Variants in KCNQ5 observed in about 807,000 individuals in gnomAD.
KCNQ5 encodes the protein potassium voltage-gated channel subfamily KQT member 5.
In KCNQ5, 30 loss-of-function variants were observed where a neutral mutation model predicts 98.2. The observed-to-expected ratio is 0.31, with a 90% CI of 0.23 to 0.41. The LOEUF is 0.41. Among genes scored for constraint, KCNQ5 ranks in the 10% least tolerant of loss-of-function variants. KCNQ5 has a pLI of 1.00. For synonymous variants in KCNQ5, 458 were observed against 449.4 expected, an observed-to-expected ratio of 1.02 and a Z score of -0.24; for missense variants, 835 against 1,182.5, an observed-to-expected ratio of 0.71 and a Z score of 4.31.
intron 1 of KCNQ5, among the ~76,000 whole-genome samples, chr6:72,639,216 GAA>G (rs2098925865): frequency 6.6e-6 from 1 of 152,192 alleles, no homozygotes; most frequent in Admixed American, 6.5e-5. Flanking sequence ...AAGGGACAAA[GAA>G]GAGAAAAACT....
intron 1 of KCNQ5, among the ~76,000 whole-genome samples, chr6:72,831,849 T>G (rs1776288681): frequency 6.6e-6 from 1 of 151,766 alleles, no homozygotes; most frequent in African/African-American, 2.4e-5. Flanking sequence ...GAGTGGGGCT[T>G]TAGTGAGGTG....
chr6:73,054,169 C>A (rs1772360781), intron 3 of KCNQ5, among the ~76,000 whole-genome samples: 1 of 152,088 alleles, frequency 6.6e-6, no homozygotes, highest in Admixed American at 6.5e-5. Flanking sequence ...TGGACAGAGA[C>A]CAATAATGAG....
chr6:72,656,328 A>G (rs1029577533), intron 1 of KCNQ5, among the ~76,000 whole-genome samples: 3 of 152,156 alleles, frequency 2.0e-5, no homozygotes, highest in African/African-American at 7.2e-5. Context: ...CACCCACTGT[A>G]ACTTGAACGT....
At chr6:72,932,517 CACTT>C (rs1464675670) in intron 1 of KCNQ5, among the ~76,000 whole-genome samples, 2 of 152,130 alleles carry the variant, frequency 1.3e-5, no homozygotes, top group East Asian at 1.9e-4. Context: ...CAAAAATAAA[CACTT>C]AATTTAAAAT....
At position 72,838,949 on chromosome 6, in the gene KCNQ5, CAAAAAA is replaced by C. The variant is rs67894922; in HGVS notation, c.399-164941_399-164936del. ...TGGGCGACAGAGCGAGACTCCGTCT[CAAAAAA>C]AAAAAAAAAAAAAAAAAGAATATGG... On this transcript the variant is annotated intron_variant, in intron 1 of 13. Coordinates refer to ENST00000370398, the MANE Select transcript of KCNQ5 (RefSeq NM_019842.4). Among the ~76,000 whole-genome samples the C allele has an allele frequency of 7.4e-3, 435 of 58,716 alleles. 2 individuals carry two copies. Among genetic ancestry groups the C allele is most frequent in the African/African-American group, 0.026 (412 of 15,996 alleles). 38.5% of individuals were successfully genotyped at this position (58,716 alleles called of 152,430 possible).
At chr6:72,690,198 G>A (rs1044089138) in intron 1 of KCNQ5, among the ~76,000 whole-genome samples, 3 of 152,084 alleles carry the variant, frequency 2.0e-5, no homozygotes, top group African/African-American at 7.2e-5. Context: ...CCTGAACCCA[G>A]AAGCCAGAGG....
intron 10 of KCNQ5, chr6:73,157,386 T>C (rs1276212171): frequency 1.8e-6 from 1 of 570,644 alleles, no homozygotes; most frequent in Non-Finnish European, 3.1e-6. Context: ...GGCTTAGGAT[T>C]CACAATTTCT....
chr6:73,186,173 G>A (rs1778564226), intron 11 of KCNQ5, among the ~76,000 whole-genome samples: 1 of 152,010 alleles, frequency 6.6e-6, no homozygotes, highest in African/African-American at 2.4e-5. Flanking sequence ...GCTGCAATGA[G>A]CCATGATTGT....
chr6:73,109,722 T>C (rs772731704), intron 6 of KCNQ5, among the ~76,000 whole-genome samples: 3 of 152,174 alleles, frequency 2.0e-5, no homozygotes. Context: ...AATCACAACC[T>C]GTATGAGATA....
intron 1 of KCNQ5, among the ~76,000 whole-genome samples, chr6:72,842,078 G>A (rs1776820405): frequency 4.6e-5 from 7 of 152,072 alleles, no homozygotes; most frequent in Admixed American, 4.6e-4. Flanking sequence ...TCTATTAACT[G>A]GACATTCACA....
At position 73,077,394 on chromosome 6, in the gene KCNQ5, C is replaced by A; in HGVS notation, c.689C>A (p.Ala230Glu). ...KTQGNIFATS[A>E]LRSLRFLQIL... is the part of the protein sequence containing the mutation. The stretch of plus-strand genomic sequence containing the variant: ...CAGGGTAATATTTTTGCCACGTCTG[C>A]ACTCAGAAGTCTCCGTTTCCTACAG... The change falls in exon 4 of 14, where the codon GCA (alanine) becomes GAA (glutamate). Residue 230 changes from alanine (A) to glutamate (E), a missense_variant. This residue lies in a region of KCNQ5 where 48 missense variants were observed against 112.1 expected (regional missense o/e 0.43). Coordinates refer to ENST00000370398, the MANE Select transcript of KCNQ5 (RefSeq NM_019842.4). 6.2e-7 allele frequency: 1 copy of A among 1,614,102 alleles called. No individual in the cohort carries two copies. The highest frequency in any genetic ancestry group is 8.5e-7 in the Non-Finnish European group (1 of 1,179,968).
Position 72,941,990 on chromosome 6 carries a change from G to A in KCNQ5, c.399-61918G>A, listed in dbSNP as rs77402715. ...TGTCTGAAACACCATGCCTGTGAGA[G>A]GCTGTGAGAGAGTTTACCCAACCCA... is the stretch of plus-strand genomic sequence containing the variant. On this transcript the variant is annotated intron_variant, in intron 1 of 13. Coordinates refer to ENST00000370398, the MANE Select transcript of KCNQ5 (RefSeq NM_019842.4). 7.9e-5 allele frequency among the ~76,000 whole-genome samples: 12 copies of A among 152,262 alleles called. No homozygotes were observed. The East Asian group carries it at 2.3e-3, about 29-fold the overall frequency.
At chr6:73,174,585 T>C (rs1252702308) in intron 11 of KCNQ5, among the ~76,000 whole-genome samples, 1 of 152,208 alleles carries the variant, frequency 6.6e-6, no homozygotes, top group Non-Finnish European at 1.5e-5. Flanking sequence ...AAGTCTTTAG[T>C]TGAAGCTGAC....
chr6:72,780,716 T>C (rs1582276376), intron 1 of KCNQ5, among the ~76,000 whole-genome samples: 1 of 152,192 alleles, frequency 6.6e-6, no homozygotes. Context: ...ATCAACTGGA[T>C]AACATGTAAG....
chr6:72,671,680 A>G (rs940345397), intron 1 of KCNQ5, among the ~76,000 whole-genome samples: 2 of 152,220 alleles, frequency 1.3e-5, no homozygotes, highest in African/African-American at 4.8e-5. Flanking sequence ...AAATGTAACC[A>G]TGACAACAGG....
chr6:72,963,571 A>G (rs1423537898), intron 1 of KCNQ5, among the ~76,000 whole-genome samples: 1 of 152,226 alleles, frequency 6.6e-6, no homozygotes, highest in Non-Finnish European at 1.5e-5. Flanking sequence ...TGCTTAAATG[A>G]TAGTATAATA....
chr6:72,870,149 A>G lies in KCNQ5; in HGVS notation c.399-133759A>G, dbSNP rs190807618. Among the ~76,000 whole-genome samples, 198 of 152,350 alleles carry G rather than the reference A, an allele frequency of 1.3e-3. 2 individuals are homozygous for G. Among genetic ancestry groups the G allele is most frequent in the Non-Finnish European group, 2.1e-3 (140 of 68,036 alleles). ...AATTTAGAATCATGGTATAATTATT[A>G]CATTGTATAATCAGATACCTGGATT... On this transcript the variant is annotated intron_variant, in intron 1 of 13. Coordinates refer to ENST00000370398, the MANE Select transcript of KCNQ5 (RefSeq NM_019842.4).
chr6:73,039,513 G>A (rs1771596069), intron 2 of KCNQ5, among the ~76,000 whole-genome samples: 1 of 151,976 alleles, frequency 6.6e-6, no homozygotes, highest in South Asian at 2.1e-4. Flanking sequence ...ATTTTGTTAT[G>A]TCATTTTTTT....
At chr6:72,878,468 T>C (rs1778510288) in intron 1 of KCNQ5, among the ~76,000 whole-genome samples, 1 of 152,162 alleles carries the variant, frequency 6.6e-6, no homozygotes, top group South Asian at 2.1e-4. Flanking sequence ...TTTGAAAGCA[T>C]TCTCACTTCC....
Sources: gnomAD v4.1 joint callset for allele counts (sites outside exome capture counted in the v4.1 genomes callset) on GRCh38, gnomAD v4.1.1 for gene constraint, gnomAD v4.1.1 regional missense constraint, MANE v1.5 for transcripts, NCBI Gene and HGNC (gene_info 2026-07-23, HGNC 2026-07-21) for gene names.